The following DNAH8 variants were observed in gnomAD, a reference collection of about 807,000 sequenced individuals.
DNAH8 encodes the protein axonemal beta dynein heavy chain 8.
Under a neutral mutation model 562.1 loss-of-function variants are expected in DNAH8, and 382 were observed. The observed-to-expected ratio is 0.68, with a 90% CI of 0.63 to 0.74. The LOEUF (loss-of-function observed/expected upper bound fraction) is 0.74. DNAH8 is among the 30% of genes least tolerant of loss of function. DNAH8 has a pLI of 0.00. For missense variants in DNAH8, 5,203 were observed against 5,620.4 expected (o/e 0.93, Z 2.37); for synonymous variants, 1,881 against 1,919.4 (o/e 0.98, Z 0.52).
intron 62 of DNAH8, among the ~76,000 whole-genome samples, chr6:38,904,060 G>A (rs1488544009): frequency 6.6e-6 from 1 of 152,070 alleles, no homozygotes; most frequent in African/African-American, 2.4e-5. Context: ...CCCTGAGAAT[G>A]GGCCACTGTA....
chr6:38,792,513 C>T (rs1040339225), intron 21 of DNAH8, among the ~76,000 whole-genome samples: 1 of 152,198 alleles, frequency 6.6e-6, no homozygotes, highest in East Asian at 1.9e-4. Context: ...TCGCTGCTTC[C>T]ATGTTTACCC....
chr6:38,756,002 A>G lies in DNAH8; in HGVS notation c.1438A>G (p.Ile480Val). 1 of 1,609,888 alleles carries G rather than the reference A, an allele frequency of 6.2e-7. No individual in the cohort carries two copies. The highest frequency in any genetic ancestry group is 8.5e-7 in the Non-Finnish European group (1 of 1,176,548). The change falls in exon 10 of 93, where the codon ATT (isoleucine) becomes GTT (valine). Residue 480 changes from isoleucine (I) to valine (V), a missense_variant. Ile to Val is a conservative substitution (Grantham distance 29). Transcript: ENST00000327475. ...VSMAHGIQNL[I>V]NAIRMIHGVS... The stretch of plus-strand genomic sequence containing the variant: ...CATGGCACATGGAATACAAAATTTG[A>G]TTAATGCCATCAGAATGATTCACGG...
chr6:38,725,957 G>A (rs1173001913), intron 3 of DNAH8, among the ~76,000 whole-genome samples: 1 of 152,174 alleles, frequency 6.6e-6, no homozygotes, highest in Non-Finnish European at 1.5e-5. Flanking sequence ...TCTAGTTTCT[G>A]TGGTGACTTT....
intron 35 of DNAH8, among the ~76,000 whole-genome samples, 194 bp downstream of exon 35, chr6:38,843,097 T>C (rs1562966318): frequency 6.6e-6 from 1 of 152,204 alleles, no homozygotes. Context: ...TATATGATTA[T>C]TTGAAATACA....
In DNAH8 at chr6:38,715,931, T is replaced by G. The variant is rs956045453; in HGVS notation, c.-35+516T>G. ...ATAAATAAATAAATAAATAAATATA[T>G]ATATATATATATATATATATATATA... On this transcript the variant is annotated intron_variant, in intron 1 of 92. Coordinates refer to ENST00000327475, the MANE Select transcript of DNAH8 (RefSeq NM_001206927.2). Among the ~76,000 whole-genome samples the G allele has an allele frequency of 3.4e-4, 9 of 26,430 alleles. 1 individual carries two copies. Among genetic ancestry groups the G allele is most frequent in the Non-Finnish European group, 4.7e-4 (7 of 14,770 alleles). The allele number at this position is 26,430 out of a possible 152,430, so 17.3% of individuals were successfully genotyped here. A position where few individuals can be genotyped will look rare whatever the true frequency, so the allele number is the denominator to read the frequency against.
intron 88 of DNAH8, among the ~76,000 whole-genome samples, chr6:38,996,687 AG>A (rs35115389): frequency 0.25 from 37,711 of 151,966 alleles, 4,930 homozygotes; most frequent in Middle Eastern, 0.36. Flanking sequence ...ACAGGTCTCA[AG>A]GGGGGACTGA....
chr6:38,739,742 A>G lies in DNAH8; in HGVS notation c.1116+1770A>G, dbSNP rs547300262. On this transcript the variant is annotated intron_variant, in intron 7 of 92. Coordinates refer to ENST00000327475, the MANE Select transcript of DNAH8 (RefSeq NM_001206927.2). ...GTTTTAAACAGCTTTTCTTCCCCCTAGTGGTAACTATTATCTTGATAATTA... is the reference window on the plus strand; with the variant it reads ...GTTTTAAACAGCTTTTCTTCCCCCTGGTGGTAACTATTATCTTGATAATTA... Among the ~76,000 whole-genome samples the G allele has an allele frequency of 2.6e-5, 4 of 152,270 alleles. No individual in the cohort carries two copies. The South Asian group carries it at 8.3e-4, about 32-fold the overall frequency.
rs1397100037 is a variant in DNAH8 at position 38,866,768 on chromosome 6, G to T, written c.6586-1G>T. 1.9e-6 allele frequency: 3 copies of T among 1,607,098 alleles called. No individual in the cohort carries two copies. The highest frequency in any genetic ancestry group is 2.6e-6 in the Non-Finnish European group (3 of 1,176,220). ...AAAAAACTCACTATATTAATTTTCA[G>T]ATCATTATGAGAGTTAAACTTGCAA... On this transcript the variant is annotated splice_acceptor_variant, in intron 46 of 92. Coordinates refer to ENST00000327475, the MANE Select transcript of DNAH8 (RefSeq NM_001206927.2). LOFTEE classifies it high-confidence loss of function.
chr6:38,864,065 GA>G lies in DNAH8; in HGVS notation c.6498+11del, dbSNP rs776099828. The G allele has an allele frequency of 8.1e-6, 13 of 1,597,822 alleles. No individual in the cohort carries two copies. Among genetic ancestry groups the G allele is most frequent in the Non-Finnish European group, 1.1e-5 (13 of 1,176,172 alleles). ...TTTGGAATCTTCTTAACGATGGTGA[GA>G]AAAAAGGCTTTAAATGCAATTTAAT... is the stretch of plus-strand genomic sequence containing the variant. On this transcript the variant is annotated splice_donor_region_variant and intron_variant, in intron 45 of 92. Coordinates refer to ENST00000327475, the MANE Select transcript of DNAH8 (RefSeq NM_001206927.2).
At chr6:38,759,740 T>G (rs982953945) in intron 10 of DNAH8, among the ~76,000 whole-genome samples, 4 of 151,896 alleles carry the variant, frequency 2.6e-5, no homozygotes, top group African/African-American at 7.3e-5. Flanking sequence ...ACCCCCCAGG[T>G]GTTGTCTGAT....
chr6:38,718,858 T>G (rs1452299235), intron 1 of DNAH8, among the ~76,000 whole-genome samples: 8 of 152,324 alleles, frequency 5.3e-5, no homozygotes, highest in Non-Finnish European at 8.8e-5. Flanking sequence ...TCTAAACTTT[T>G]TTTCCCAACC....
At chr6:38,960,485 A>C (rs974495032) in intron 82 of DNAH8, among the ~76,000 whole-genome samples, 2 of 152,070 alleles carry the variant, frequency 1.3e-5, no homozygotes, top group Non-Finnish European at 2.9e-5. Context: ...CATTTCTCAA[A>C]ATAAGACATA....
chr6:38,842,404 G>T lies in DNAH8; in HGVS notation c.4503G>T (p.Leu1501Phe). The change falls in exon 34 of 93, where the codon TTG (leucine) becomes TTT (phenylalanine). Residue 1501 changes from leucine (L) to phenylalanine (F), a missense_variant. Leu to Phe is a conservative substitution (Grantham distance 22). Transcript: ENST00000327475. The part of the protein sequence containing the change: ...ELNLLQKLYG[L>F]YDTVMSSISG... ...ACTTGCTGCAGAAGCTGTATGGATT[G>T]TATGACACCGTAATGAGCAGTATTA... 1 of 1,611,840 alleles carries T rather than the reference G, an allele frequency of 6.2e-7. No homozygotes were observed. Among genetic ancestry groups the T allele is most frequent in the South Asian group, 1.1e-5 (1 of 90,338 alleles).
At chr6:38,984,620 G>A (rs1304690836) in intron 87 of DNAH8, among the ~76,000 whole-genome samples, 1 of 151,978 alleles carries the variant, frequency 6.6e-6, no homozygotes, top group South Asian at 2.1e-4. Context: ...GTGAAACCCC[G>A]TATCTACTAA....
intron 88 of DNAH8, among the ~76,000 whole-genome samples, chr6:39,005,857 T>C (rs1357230979): frequency 6.6e-6 from 1 of 152,248 alleles, no homozygotes; most frequent in Non-Finnish European, 1.5e-5. Context: ...CTGGCTCCTT[T>C]TAAGATGTTC....
intron 87 of DNAH8, among the ~76,000 whole-genome samples, chr6:38,989,683 G>A (rs1764648612): frequency 6.6e-6 from 1 of 152,144 alleles, no homozygotes; most frequent in Non-Finnish European, 1.5e-5. Context: ...TGGCCTCACA[G>A]ACTTTGCAGT....
chr6:38,817,400 G>T (rs1192055581), intron 26 of DNAH8, among the ~76,000 whole-genome samples: 3 of 152,030 alleles, frequency 2.0e-5, no homozygotes, highest in Non-Finnish European at 4.4e-5. Flanking sequence ...CAACCAGGTG[G>T]CTCAGACCCC....
chr6:38,985,711 A>G (rs1764342442), intron 87 of DNAH8, among the ~76,000 whole-genome samples: 1 of 152,220 alleles, frequency 6.6e-6, no homozygotes, highest in African/African-American at 2.4e-5. Context: ...AAAAATATTC[A>G]TGGCAACATT....
At chr6:39,019,396 T>G (rs914971871) in intron 91 of DNAH8, among the ~76,000 whole-genome samples, 4 of 152,298 alleles carry the variant, frequency 2.6e-5, no homozygotes, top group Admixed American at 2.6e-4. Flanking sequence ...GAGGTCCTCT[T>G]GAAAGCAAGA....
Sources: allele counts gnomAD v4.1 joint callset (sites outside exome capture counted in the v4.1 genomes callset), GRCh38; gene constraint gnomAD v4.1.1; transcripts MANE v1.5; gene names NCBI Gene and HGNC (gene_info 2026-07-23, HGNC 2026-07-21).